Variants in SEC16A observed in about 807,000 individuals in gnomAD.
SEC16A encodes the protein protein transport protein Sec16A.
Under a neutral mutation model 221.9 loss-of-function variants are expected in SEC16A, and 110 were observed. That is an observed-to-expected ratio of 0.50 (90% CI 0.42 to 0.58). The LOEUF (loss-of-function observed/expected upper bound fraction) is 0.58, where lower values mean the gene tolerates loss of function less well. SEC16A is among the 20% of genes least tolerant of loss of function. SEC16A has a pLI of 0.00. For synonymous variants in SEC16A, 1,393 were observed against 1,257.7 expected (o/e 1.11, Z -2.28); for missense variants, 3,165 against 3,097.8 (o/e 1.02, Z -0.52).
rs1836073840 is a variant in SEC16A at position 136,440,504 on chromosome 9, G to GA, written c.*1250dup. On this transcript the variant is annotated 3_prime_UTR_variant, in exon 32 of 32. Coordinates refer to ENST00000684901, the MANE Select transcript of SEC16A (RefSeq NM_014866.2). The stretch of plus-strand genomic sequence containing the variant: ...CCAAACAGTTTGTATTCCTCCAGCA[G>GA]AACCTACAGAAATTATCTACTGATT... The GA allele has an allele frequency of 6.5e-6, 1 of 152,674 alleles. No homozygotes were observed. Among genetic ancestry groups the GA allele is most frequent in the African/African-American group, 2.4e-5 (1 of 41,448 alleles). 9.5% of individuals were successfully genotyped at this position (152,674 alleles called of 1,614,324 possible). A position where few individuals can be genotyped will look rare whatever the true frequency, so the allele number is the denominator to read the frequency against.
rs757129403 is a variant in SEC16A, at chr9:136,475,587, G to C, written c.2029C>G (p.Leu677Val). ...GCTTCCGTGGTGGAGTTAAGAGGCA[G>C]GGGACAGACCTGGGGTGCACAGAGG... ...ETLCAPQVCPLPLNSTTEAVH... is the reference protein window; with the variant it reads ...ETLCAPQVCPVPLNSTTEAVH... The change falls in exon 3 of 32, where the codon CTG becomes GTG. Residue 677 changes from leucine to valine, a missense_variant. Leu to Val is a conservative substitution (Grantham distance 32). Around this residue, in one of 3 missense-constraint regions of SEC16A, gnomAD observed 2,030 missense variants for 1,923.1 expected, o/e 1.06. Transcript: ENST00000684901. The surrounding 1 kb of genome is among the most constrained non-coding windows in gnomAD (Gnocchi z 5.0). 4 of 1,613,456 alleles carry C rather than the reference G, an allele frequency of 2.5e-6. No individual in the cohort carries two copies. In the East Asian group the frequency reaches 6.7e-5, roughly 27 times the overall value.
rs1836050682 is a variant in SEC16A at position 136,440,289 on chromosome 9, A to C, written c.*1466T>G. The C allele has an allele frequency of 6.6e-6, 1 of 152,348 alleles. No individual in the cohort carries two copies. The highest frequency in any genetic ancestry group is 6.5e-5 in the Admixed American group (1 of 15,290). 9.4% of individuals were successfully genotyped at this position (152,348 alleles called of 1,614,324 possible). On this transcript the variant is annotated 3_prime_UTR_variant, in exon 32 of 32. Coordinates refer to ENST00000684901, the MANE Select transcript of SEC16A (RefSeq NM_014866.2). ...CACACGAGCTGACCGAGGGACAGAGAGGGCTGCCCCGTCACAGGGACTGGC... is the reference window on the plus strand; with the variant it reads ...CACACGAGCTGACCGAGGGACAGAGCGGGCTGCCCCGTCACAGGGACTGGC...
chr9:136,458,453 C>T (rs1013289981), intron 17 of SEC16A, among the ~76,000 whole-genome samples: 3 of 148,830 alleles, frequency 2.0e-5, no homozygotes, highest in African/African-American at 7.4e-5. Context: ...ACGGTGAAAC[C>T]CCATCTCTAC....
intron 4 of SEC16A, among the ~76,000 whole-genome samples, chr9:136,470,736 C>T (rs572980355): frequency 1.2e-4 from 19 of 152,366 alleles, no homozygotes; most frequent in African/African-American, 3.6e-4. Flanking sequence ...GAGCCTTTGT[C>T]TTTAGGTAAG....
At chr9:136,455,917 G>T in intron 19 of SEC16A, 124 bp from the exon 20 acceptor site, 1 of 1,187,854 alleles carries the variant, frequency 8.4e-7, no homozygotes, top group Non-Finnish European at 1.2e-6. Context: ...AGCCCTTTCT[G>T]GGGAATTAGG....
chr9:136,449,803 T>TTAA (rs1200093506), intron 23 of SEC16A, among the ~76,000 whole-genome samples: 13 of 152,202 alleles, frequency 8.5e-5, no homozygotes, highest in African/African-American at 3.1e-4. Flanking sequence ...ATCTCAGAGC[T>TTAA]CACACAAATT....
At position 136,459,252 on chromosome 9, in the gene SEC16A, T is replaced by G; in HGVS notation, c.5304-13A>C. On this transcript the variant is annotated splice_polypyrimidine_tract_variant and intron_variant, in intron 16 of 31. Transcript: ENST00000684901. This position sits in a 1 kb window ranked among gnomAD's most constrained non-coding sequence, Gnocchi z 6.1. ...TAAGAATGGCAAACTGTAGAGGAAG[T>G]GAATTATTTTGATTTGGAAAAAATG... 1 of 1,608,722 alleles carries G rather than the reference T, an allele frequency of 6.2e-7. No individual in the cohort carries two copies. Among genetic ancestry groups the G allele is most frequent in the Non-Finnish European group, 8.5e-7 (1 of 1,177,162 alleles).
Position 136,468,860 on chromosome 9 carries a change from T to G in SEC16A, c.3705-348A>C, listed in dbSNP as rs555437704. ...GGACAAAATGGACTGAGCTTTCTTTTTTTTTCTTGAGACAGGTTTCACTCT... is the reference window on the plus strand; with the variant it reads ...GGACAAAATGGACTGAGCTTTCTTTGTTTTTCTTGAGACAGGTTTCACTCT... On this transcript the variant is annotated intron_variant, in intron 4 of 31. Transcript: ENST00000684901. Among the ~76,000 whole-genome samples the G allele has an allele frequency of 2.6e-5, 4 of 152,290 alleles. No homozygotes were observed. The East Asian group carries it at 7.7e-4, about 29-fold the overall frequency.
At position 136,448,159 on chromosome 9, in the gene SEC16A, A is replaced by G. The variant is rs751618983; in HGVS notation, c.6315T>C (p.Gly2105=). ...AKKETKEPKK[G]ESWFFRWLPG... ...GTAGCCAACGAAAGAACCAGGATTCACCCTAAATATAAAAAACACGAGAAC... is the reference window on the plus strand; with the variant it reads ...GTAGCCAACGAAAGAACCAGGATTCGCCCTAAATATAAAAAACACGAGAAC... The change falls in exon 24 of 32, where the codon GGT becomes GGC. Residue 2105 remains glycine (G), a splice_region_variant and synonymous_variant. Transcript: ENST00000684901. The G allele has an allele frequency of 4.0e-5, 65 of 1,612,404 alleles. No homozygotes were observed. The highest frequency in any genetic ancestry group is 5.3e-5 in the Non-Finnish European group (63 of 1,178,764).
chr9:136,465,619 G>A (rs1239146011), intron 8 of SEC16A, among the ~76,000 whole-genome samples: 1 of 152,236 alleles, frequency 6.6e-6, no homozygotes, highest in Non-Finnish European at 1.5e-5. Flanking sequence ...TCTCCAAGGG[G>A]AATGAGCAGC....
intron 23 of SEC16A, chr9:136,448,639 G>A (rs1009772048): frequency 3.1e-4 from 222 of 713,026 alleles, no homozygotes; most frequent in Non-Finnish European, 5.5e-4. Flanking sequence ...TGGAGGTGGG[G>A]AGCAGATCCA....
chr9:136,449,588 G>A (rs1046544545), intron 23 of SEC16A, among the ~76,000 whole-genome samples: 5 of 151,716 alleles, frequency 3.3e-5, no homozygotes, highest in African/African-American at 9.7e-5. Context: ...TGCTGCGCCC[G>A]GCCTCCCAGA....
rs1273277625 is a variant in SEC16A, at chr9:136,459,421, A to T, written c.5303+23T>A. 1.3e-6 allele frequency: 2 copies of T among 1,550,596 alleles called. No individual in the cohort carries two copies. The highest frequency in any genetic ancestry group is 1.8e-6 in the Non-Finnish European group (2 of 1,135,876). The stretch of plus-strand genomic sequence containing the variant: ...TTACTTTGAAAGGAAAACTTACAGG[A>T]CTACACTGACTTGGTTCTTTACCTG... On this transcript the variant is annotated intron_variant, in intron 16 of 31. Coordinates refer to ENST00000684901, the MANE Select transcript of SEC16A (RefSeq NM_014866.2). This position sits in a 1 kb window ranked among gnomAD's most constrained non-coding sequence, Gnocchi z 6.1.
At chr9:136,464,108 G>A (rs1340757208) in intron 9 of SEC16A, among the ~76,000 whole-genome samples, 2 of 119,546 alleles carry the variant, frequency 1.7e-5, no homozygotes, top group East Asian at 2.8e-4. Context: ...GGGCAGCACC[G>A]GGCCCACCCA....
chr9:136,463,613 A>G lies in SEC16A; in HGVS notation c.4509-12T>C. On this transcript the variant is annotated splice_polypyrimidine_tract_variant and intron_variant, in intron 10 of 31. Transcript: ENST00000684901. ...TATGGGTGTCGTCTCTGCAGAAAGA[A>G]CACACAGTGAGCAGTGATGTCTGCA... The G allele has an allele frequency of 6.2e-7, 1 of 1,613,760 alleles. No homozygotes were observed. The highest frequency in any genetic ancestry group is 8.5e-7 in the Non-Finnish European group (1 of 1,179,782).
chr9:136,452,448 T>G (rs1166814277), intron 22 of SEC16A, among the ~76,000 whole-genome samples: 1 of 18,916 alleles, frequency 5.3e-5, no homozygotes, highest in Non-Finnish European at 1.1e-4. Flanking sequence ...AAACTCCATC[T>G]CAAAAAAAAA....
chr9:136,457,176 A>G (rs545516451), intron 18 of SEC16A, among the ~76,000 whole-genome samples: 12 of 152,362 alleles, frequency 7.9e-5, no homozygotes, highest in African/African-American at 2.9e-4. Flanking sequence ...CTGCGTCTCA[A>G]TAAAAGAAGA....
rs780671607 is a variant in SEC16A, at chr9:136,475,794, T to C, written c.1822A>G (p.Asn608Asp). 5.7e-6 allele frequency: 9 copies of C among 1,589,798 alleles called. No individual in the cohort carries two copies. Among genetic ancestry groups the C allele is most frequent in the Non-Finnish European group, 7.7e-6 (9 of 1,167,758 alleles). Residue 608 changes from asparagine to aspartate, a missense_variant, in exon 3 of 32, where the codon AAT becomes GAT. This residue lies in a region of SEC16A where 2,030 missense variants were observed against 1,923.1 expected (regional missense o/e 1.06). Coordinates refer to ENST00000684901, the MANE Select transcript of SEC16A (RefSeq NM_014866.2). The surrounding 1 kb of genome is among the most constrained non-coding windows in gnomAD (Gnocchi z 5.0). ...KPTGIFQTSA[N>D]SSFEPVKSHL... The stretch of plus-strand genomic sequence containing the variant: ...GATTTTACCGGTTCGAAAGAACTAT[T>C]TGCACTTGTCTGAAATATTCCTGTA...
At chr9:136,442,139 G>A (rs1836273907) in intron 31 of SEC16A, among the ~76,000 whole-genome samples, 1 of 152,240 alleles carries the variant, frequency 6.6e-6, no homozygotes, top group African/African-American at 2.4e-5. Flanking sequence ...AGAGTCCAGG[G>A]ACAAGTGGTG....
Sources: gnomAD v4.1 joint callset for allele counts (sites outside exome capture counted in the v4.1 genomes callset) on GRCh38, gnomAD v4.1.1 for gene constraint, gnomAD v4.1.1 regional missense constraint, Gnocchi (gnomAD v3.1) non-coding constraint, MANE v1.5 for transcripts, NCBI Gene and HGNC (gene_info 2026-07-23, HGNC 2026-07-21) for gene names.